The following APCDD1L variants were observed in gnomAD, a reference collection of about 807,000 sequenced individuals.
The protein encoded by APCDD1L is APC down-regulated 1 like.
APCDD1L carries 21 observed loss-of-function variants against 24.2 expected under a neutral mutation model. The ratio of observed to expected loss-of-function variants is 0.87; its 90% CI spans 0.61 to 1.25. The LOEUF is 1.25. Among genes scored for constraint, APCDD1L ranks in the 50% most tolerant of loss-of-function variants. The pLI is 0.00. For missense variants in APCDD1L, 704 were observed against 711.7 expected (o/e 0.99, Z 0.12); for synonymous variants, 321 against 323.6 (o/e 0.99, Z 0.09).
At chr20:58,514,426 C>G (rs6015296) in intron 1 of APCDD1L, among the ~76,000 whole-genome samples, 49,651 of 152,038 alleles carry the variant, frequency 0.33, 8,972 homozygotes, top group East Asian at 0.51. Flanking sequence ...GAGAGTGCAG[C>G]GGCTCTCATA....
At chr20:58,472,273 G>A (rs1377131962) in intron 1 of APCDD1L, among the ~76,000 whole-genome samples, 4 of 152,170 alleles carry the variant, frequency 2.6e-5, no homozygotes, top group African/African-American at 9.7e-5. Flanking sequence ...TGGACCCCTT[G>A]CTCTTTTATA....
In APCDD1L at chr20:58,491,700, G is replaced by A. The variant is rs189772553; in HGVS notation, c.50-20953C>T. 3.3e-5 allele frequency among the ~76,000 whole-genome samples: 5 copies of A among 152,190 alleles called. No individual in the cohort carries two copies. The East Asian group carries it at 9.7e-4, about 29-fold the overall frequency. Reference sequence around the variant, plus strand: ...TAGATTCCAGTCAAAATCCCAACAGGTTATCTTATTTTTTTGGGATCTTGA... The same window carrying A: ...TAGATTCCAGTCAAAATCCCAACAGATTATCTTATTTTTTTGGGATCTTGA... On this transcript the variant is annotated intron_variant, in intron 1 of 3. Transcript: ENST00000371149.
chr20:58,467,673 G>A lies in APCDD1L; in HGVS notation c.189-15C>T. 1 of 1,478,654 alleles carries A rather than the reference G, an allele frequency of 6.8e-7. No individual in the cohort carries two copies. Among genetic ancestry groups the A allele is most frequent in the Non-Finnish European group, 9.0e-7 (1 of 1,111,928 alleles). The allele number at this position is 1,478,654 out of a possible 1,614,324, so 91.6% of individuals were successfully genotyped here. On this transcript the variant is annotated splice_polypyrimidine_tract_variant and intron_variant, in intron 2 of 3. Coordinates refer to ENST00000371149, the MANE Select transcript of APCDD1L (RefSeq NM_153360.3). This position sits in a 1 kb window ranked among gnomAD's most constrained non-coding sequence, Gnocchi z 5.9. ...GCACCTCGCAGCTGCAGGGGTGGAAGGAGATGGGCTGGGTGCAGAGGGAAC... is the reference window on the plus strand; with the variant it reads ...GCACCTCGCAGCTGCAGGGGTGGAAAGAGATGGGCTGGGTGCAGAGGGAAC...
At chr20:58,492,665 T>C (rs1223753255) in intron 1 of APCDD1L, among the ~76,000 whole-genome samples, 2 of 152,264 alleles carry the variant, frequency 1.3e-5, no homozygotes, top group Non-Finnish European at 2.9e-5. Flanking sequence ...TTACAAACAT[T>C]TTCTGTGAAT....
intron 1 of APCDD1L, among the ~76,000 whole-genome samples, chr20:58,496,129 TA>T (rs1308611782): frequency 6.6e-6 from 1 of 152,220 alleles, no homozygotes; most frequent in Non-Finnish European, 1.5e-5. Flanking sequence ...TTCTGAATCC[TA>T]AAAAAGGCCT....
chr20:58,498,372 G>A (rs948974184), intron 1 of APCDD1L, among the ~76,000 whole-genome samples: 12 of 152,126 alleles, frequency 7.9e-5, no homozygotes, highest in Admixed American at 3.3e-4. Context: ...GAACCCCTTC[G>A]GTAATTGAGA....
chr20:58,493,886 C>T (rs558472452), intron 1 of APCDD1L, among the ~76,000 whole-genome samples: 17 of 152,248 alleles, frequency 1.1e-4, no homozygotes, highest in Non-Finnish European at 2.2e-4. Flanking sequence ...GAAAATCTAC[C>T]GGTAACTTTC....
At chr20:58,462,996 G>A (rs1312847012) in intron 3 of APCDD1L, among the ~76,000 whole-genome samples, 2 of 151,830 alleles carry the variant, frequency 1.3e-5, no homozygotes, top group Non-Finnish European at 2.9e-5. Context: ...ACAAAAATTA[G>A]CCAGGTGTGG....
chr20:58,507,149 G>A (rs1479263547), intron 1 of APCDD1L, among the ~76,000 whole-genome samples: 1 of 152,146 alleles, frequency 6.6e-6, no homozygotes, highest in Non-Finnish European at 1.5e-5. Flanking sequence ...TAAGTCTCAC[G>A]AGATCTGATA....
Position 58,492,868 on chromosome 20 carries a change from TCACA to T in APCDD1L, c.49+21787_49+21790del, listed in dbSNP as rs1307422722. Among the ~76,000 whole-genome samples, 6 of 125,496 alleles carry T rather than the reference TCACA, an allele frequency of 4.8e-5. No homozygotes were observed. The East Asian group carries it at 7.1e-4, about 15-fold the overall frequency. 82.3% of individuals were successfully genotyped at this position (125,496 alleles called of 152,430 possible). A position where few individuals can be genotyped will look rare whatever the true frequency, so the allele number is the denominator to read the frequency against. On this transcript the variant is annotated intron_variant, in intron 1 of 3. Coordinates refer to ENST00000371149, the MANE Select transcript of APCDD1L (RefSeq NM_153360.3). ...CACGCATACATGCACACACATGCACTCACACACAATGCAAGCATATACACACATA... is the reference window on the plus strand; with the variant it reads ...CACGCATACATGCACACACATGCACTCACAATGCAAGCATATACACACATA...
In APCDD1L at chr20:58,460,944, G is replaced by T; in HGVS notation, c.1352C>A (p.Pro451His). The change falls in exon 4 of 4, where the codon CCC (proline) becomes CAC (histidine). Residue 451 changes from proline (P) to histidine (H), a missense_variant. By Grantham distance (77) the Pro-to-His change is moderately conservative. Coordinates refer to ENST00000371149, the MANE Select transcript of APCDD1L (RefSeq NM_153360.3). The surrounding 1 kb of genome is among the most constrained non-coding windows in gnomAD (Gnocchi z 4.2). ...GGCCTCCCCATGACAGAGCACCAGG[G>T]GTGCTTGGTAGGAGGTGGGACGTTT... ...PEKRPTSYQA[P>H]LVLCHGEAPD... is the part of the protein sequence containing the mutation. 1.2e-6 allele frequency: 2 copies of T among 1,614,082 alleles called. No individual in the cohort carries two copies. Among genetic ancestry groups the T allele is most frequent in the Non-Finnish European group, 1.7e-6 (2 of 1,179,976 alleles).
intron 1 of APCDD1L, among the ~76,000 whole-genome samples, chr20:58,496,520 A>G (rs1427700421): frequency 6.6e-6 from 1 of 152,236 alleles, no homozygotes; most frequent in Non-Finnish European, 1.5e-5. Context: ...GGAGATCAGA[A>G]AGCCCACCTG....
chr20:58,472,858 C>A (rs1989837310), intron 1 of APCDD1L, among the ~76,000 whole-genome samples: 1 of 152,158 alleles, frequency 6.6e-6, no homozygotes, highest in African/African-American at 2.4e-5. Flanking sequence ...TACGTAGGCA[C>A]CAAAGTTGGG....
intron 1 of APCDD1L, among the ~76,000 whole-genome samples, chr20:58,507,583 C>A (rs1213756809): frequency 6.6e-6 from 1 of 152,106 alleles, no homozygotes; most frequent in Non-Finnish European, 1.5e-5. Context: ...GTAGGAATAT[C>A]TGACCATCTG....
At chr20:58,468,523 C>T (rs993346983) in intron 2 of APCDD1L, among the ~76,000 whole-genome samples, 1 of 152,098 alleles carries the variant, frequency 6.6e-6, no homozygotes, top group African/African-American at 2.4e-5. Flanking sequence ...AGCAGGCACC[C>T]TCCTCACGAT....
At chr20:58,465,125 C>T (rs970649763) in intron 3 of APCDD1L, among the ~76,000 whole-genome samples, 1 of 152,174 alleles carries the variant, frequency 6.6e-6, no homozygotes, top group African/African-American at 2.4e-5. Flanking sequence ...GCAGTTTCCC[C>T]TCCTAATGAG....
intron 1 of APCDD1L, among the ~76,000 whole-genome samples, chr20:58,478,816 A>G (rs1448541880): frequency 6.6e-6 from 1 of 151,944 alleles, no homozygotes; most frequent in Non-Finnish European, 1.5e-5. Context: ...AATCTGGCTG[A>G]GGGCAAAAGG....
At chr20:58,504,892 G>A (rs1171884711) in intron 1 of APCDD1L, among the ~76,000 whole-genome samples, 2 of 152,316 alleles carry the variant, frequency 1.3e-5, no homozygotes, top group South Asian at 2.1e-4. Flanking sequence ...CTGCAGCCAG[G>A]TCAGGTTTCA....
At chr20:58,463,897 G>GC (rs942662098) in intron 3 of APCDD1L, among the ~76,000 whole-genome samples, 1 of 128,950 alleles carries the variant, frequency 7.8e-6, no homozygotes, top group Admixed American at 7.3e-5. Flanking sequence ...TTTTTTTTGG[G>GC]GGGGGGGGGC....
Sources: allele counts gnomAD v4.1 joint callset (sites outside exome capture counted in the v4.1 genomes callset), GRCh38; gene constraint gnomAD v4.1.1; non-coding constraint Gnocchi (gnomAD v3.1); transcripts MANE v1.5; gene names NCBI Gene and HGNC (gene_info 2026-07-23, HGNC 2026-07-21).